THRA: variants seen among roughly 807,000 people sequenced by gnomAD.
THRA encodes the protein thyroid hormone receptor alpha, also known as EAR-7.
THRA carries 13 observed loss-of-function variants against 45.0 expected under a neutral mutation model. That is an observed-to-expected ratio of 0.29 (90% CI 0.19 to 0.46). The LOEUF (loss-of-function observed/expected upper bound fraction) is 0.46, where lower values mean the gene tolerates loss of function less well. Among genes scored for constraint, THRA ranks in the 20% least tolerant of loss-of-function variants. The probability of loss-of-function intolerance (pLI) is 1.00; values close to 1 mark genes in which losing one functional copy is unlikely to be tolerated. For synonymous variants in THRA, 195 were observed against 214.0 expected, an observed-to-expected ratio of 0.91 and a Z score of 0.78; for missense variants, 278 against 556.1, an observed-to-expected ratio of 0.50 and a Z score of 5.03.
intron 4 of THRA, among the ~76,000 whole-genome samples, chr17:40,082,707 C>A (rs1173081131): frequency 1.3e-5 from 2 of 151,022 alleles, no homozygotes; most frequent in Non-Finnish European, 2.9e-5. Context: ...AAACCTAGGA[C>A]CTTCTGCATG....
chr17:40,062,492 CCAAA>C (rs1986388614), upstream of THRA: 3 of 152,180 alleles, frequency 2.0e-5, no homozygotes, highest in South Asian at 6.2e-4. Context: ...ACCCGAACTC[CCAAA>C]CAAACTACAC....
Position 40,089,515 on chromosome 17 carries a change from C to T in THRA, c.*59C>T. The T allele has an allele frequency of 6.3e-7, 1 of 1,586,160 alleles. No homozygotes were observed. ...TGGGGAGGAGCCTGGAGAGAAGGGG[C>T]AGAGCTGGGGGCTGAGGGAGACCCC... On this transcript the variant is annotated 3_prime_UTR_variant, in exon 9 of 9. Coordinates refer to ENST00000450525, the MANE Select transcript of THRA (RefSeq NM_199334.5). The surrounding 1 kb of genome is among the most constrained non-coding windows in gnomAD (Gnocchi z 6.1).
intron 1 of THRA, among the ~76,000 whole-genome samples, chr17:40,073,248 A>AGGGTCAGAGGTGCAATGCCCAG (rs1447449377): frequency 2.0e-5 from 3 of 152,168 alleles, no homozygotes; most frequent in Non-Finnish European, 4.4e-5. Flanking sequence ...AGTAAGCCAC[A>AGGGTCAGAGGTGCAATGCCCAG]GGTCTGCAGC....
rs1367146129 is a variant in THRA at position 40,091,684 on chromosome 17, C to G, written c.*2228C>G. On this transcript the variant is annotated 3_prime_UTR_variant, in exon 9 of 9. Transcript: ENST00000450525. ...CTCTTATAGGCACTTGGGACTCCCC[C>G]ACCCTCCCCAATCATATGAGCTGTG... The G allele has an allele frequency of 6.6e-6, 1 of 152,286 alleles. No individual in the cohort carries two copies. Among genetic ancestry groups the G allele is most frequent in the Non-Finnish European group, 1.5e-5 (1 of 68,132 alleles). 9.4% of individuals were successfully genotyped at this position (152,286 alleles called of 1,614,324 possible).
At chr17:40,076,338 G>T (rs1986952525) in intron 2 of THRA, among the ~76,000 whole-genome samples, 1 of 152,338 alleles carries the variant, frequency 6.6e-6, no homozygotes, top group African/African-American at 2.4e-5. Context: ...TGCCTGTGCA[G>T]AGTGTTGTGT....
chr17:40,088,166 G>A (rs770272581), intron 7 of THRA, 76 bp from the exon 8 acceptor site: 42 of 1,511,286 alleles, frequency 2.8e-5, no homozygotes, highest in Non-Finnish European at 3.3e-5. Flanking sequence ...CACGGCTCCC[G>A]TAGGACACTC....
At chr17:40,075,500 G>T (rs757168193) in intron 2 of THRA, among the ~76,000 whole-genome samples, 46 of 152,184 alleles carry the variant, frequency 3.0e-4, no homozygotes, top group Non-Finnish European at 5.6e-4. Flanking sequence ...CTCACCCCAG[G>T]AAGGACTCTG....
chr17:40,083,960 C>T lies in THRA; in HGVS notation c.348C>T (p.Ile116=), dbSNP rs1033520382. The T allele has an allele frequency of 2.5e-6, 4 of 1,613,496 alleles. No individual in the cohort carries two copies. Among genetic ancestry groups the T allele is most frequent in the Admixed American group, 1.7e-5 (1 of 59,958 alleles). The part of the protein sequence containing the change: ...QCQLCRFKKC[I]AVGMAMDLVL... Reference sequence around the variant, plus strand: ...AGCTGTGCCGCTTCAAGAAGTGCATCGCCGTGGGCATGGCCATGGACTGTA... The same window carrying T: ...AGCTGTGCCGCTTCAAGAAGTGCATTGCCGTGGGCATGGCCATGGACTGTA... Residue 116 remains isoleucine, a synonymous_variant, in exon 5 of 9, where the codon ATC becomes ATT. Coordinates refer to ENST00000450525, the MANE Select transcript of THRA (RefSeq NM_199334.5).
At position 40,089,687 on chromosome 17, in the gene THRA, T is replaced by C; in HGVS notation, c.*231T>C. 1 of 1,386,186 alleles carries C rather than the reference T, an allele frequency of 7.2e-7. No individual in the cohort carries two copies. The highest frequency in any genetic ancestry group is 9.4e-7 in the Non-Finnish European group (1 of 1,068,392). The allele number at this position is 1,386,186 out of a possible 1,614,324, so 85.9% of individuals were successfully genotyped here. On this transcript the variant is annotated 3_prime_UTR_variant, in exon 9 of 9. Transcript: ENST00000450525. This position sits in a 1 kb window ranked among gnomAD's most constrained non-coding sequence, Gnocchi z 6.1. ...CTATGGAAAGGACAGTGTGGGAGGC[T>C]GGGGGAGCTGTGTCCTGCAGTTCCC...
intron 2 of THRA, among the ~76,000 whole-genome samples, chr17:40,076,187 G>T (rs972665433): frequency 7.2e-5 from 11 of 152,206 alleles, no homozygotes; most frequent in Non-Finnish European, 1.5e-4. Flanking sequence ...CACAAGCAGG[G>T]TCTCAGTTTG....
Position 40,084,749 on chromosome 17 carries a change from T to A in THRA, c.510T>A (p.Ile170=). 6.2e-7 allele frequency: 1 copy of A among 1,614,004 alleles called. No individual in the cohort carries two copies. Among genetic ancestry groups the A allele is most frequent in the Non-Finnish European group, 8.5e-7 (1 of 1,179,998 alleles). Residue 170 remains isoleucine (I), a synonymous_variant, in exon 6 of 9, where the codon ATT becomes ATA. Transcript: ENST00000450525. ...PTPEEWDLIH[I]ATEAHRSTNA... ...CTGAAGAGTGGGATCTGATCCACAT[T>A]GCCACAGAGGCCCATCGCAGCACCA...
chr17:40,078,727 C>CTTTTT (rs746350223), intron 4 of THRA, among the ~76,000 whole-genome samples: 15 of 102,612 alleles, frequency 1.5e-4, no homozygotes, highest in Non-Finnish European at 1.5e-4. Flanking sequence ...CAGCCTTCAT[C>CTTTTT]TTTTTTTTTT....
At chr17:40,067,156 A>T (rs1297899081) in intron 1 of THRA, among the ~76,000 whole-genome samples, 1 of 152,152 alleles carries the variant, frequency 6.6e-6, no homozygotes, top group Non-Finnish European at 1.5e-5. Flanking sequence ...GAATGAGTGT[A>T]TGGGAAAGAG....
chr17:40,068,728 C>T (rs185473368), intron 1 of THRA, among the ~76,000 whole-genome samples: 104 of 152,294 alleles, frequency 6.8e-4, no homozygotes, highest in African/African-American at 2.4e-3. Context: ...AAGCCCCTGG[C>T]CCACCTCCTC....
intron 8 of THRA, 84 bp downstream of exon 8, chr17:40,088,584 C>T (rs920875697): frequency 3.3e-6 from 5 of 1,502,656 alleles, no homozygotes; most frequent in Non-Finnish European, 4.5e-6. Flanking sequence ...GCTCAACTCC[C>T]TCCTGAATCT....
intron 4 of THRA, among the ~76,000 whole-genome samples, chr17:40,077,993 TTTCTC>T (rs1401396601): frequency 6.6e-6 from 1 of 152,134 alleles, no homozygotes; most frequent in Non-Finnish European, 1.5e-5. Flanking sequence ...GCCTGGTTAC[TTTCTC>T]TTCTCTTCTC....
chr17:40,074,266 C>T lies in THRA; in HGVS notation c.-223C>T, dbSNP rs1011944141. On this transcript the variant is annotated 5_prime_UTR_variant, in exon 2 of 9. Coordinates refer to ENST00000450525, the MANE Select transcript of THRA (RefSeq NM_199334.5). ...CCGGGACCCACAAACCCAGCTTGCC[C>T]CCAGCCCTCCCACCTGCCACTCCCT... is the stretch of plus-strand genomic sequence containing the variant. The T allele has an allele frequency of 8.4e-5, 48 of 572,430 alleles. No homozygotes were observed. In the Admixed American group the frequency reaches 1.4e-3, roughly 17 times the overall value. 35.5% of individuals were successfully genotyped at this position (572,430 alleles called of 1,614,324 possible). A position where few individuals can be genotyped will look rare whatever the true frequency, so the allele number is the denominator to read the frequency against.
At chr17:40,079,400 A>C (rs1987062195) in intron 4 of THRA, among the ~76,000 whole-genome samples, 1 of 152,088 alleles carries the variant, frequency 6.6e-6, no homozygotes, top group Non-Finnish European at 1.5e-5. Context: ...ACCTGCCACC[A>C]AGCCTGGCTA....
intron 1 of THRA, among the ~76,000 whole-genome samples, chr17:40,073,984 T>C (rs1228046435): frequency 6.6e-6 from 1 of 152,100 alleles, no homozygotes; most frequent in Non-Finnish European, 1.5e-5. Flanking sequence ...TTCCTTCCCA[T>C]GTCTGGGGCT....
Sources: gnomAD v4.1 joint callset for allele counts (sites outside exome capture counted in the v4.1 genomes callset) on GRCh38, gnomAD v4.1.1 for gene constraint, Gnocchi (gnomAD v3.1) non-coding constraint, MANE v1.5 for transcripts, NCBI Gene and HGNC (gene_info 2026-07-23, HGNC 2026-07-21) for gene names.